The following SHB variants were observed in gnomAD, a reference collection of about 807,000 sequenced individuals.
SHB encodes the protein SH2 domain containing adaptor protein B.
Under a neutral mutation model 52.3 loss-of-function variants are expected in SHB, and 20 were observed. The observed-to-expected ratio is 0.38, with a 90% confidence interval of 0.27 to 0.56. The LOEUF is 0.56. SHB is among the 20% of genes least tolerant of loss of function. The probability of loss-of-function intolerance (pLI) is 0.71; values close to 1 mark genes in which losing one functional copy is unlikely to be tolerated. For synonymous variants in SHB, 397 were observed against 316.5 expected, an observed-to-expected ratio of 1.25 and a Z score of -2.70; for missense variants, 825 against 723.3, an observed-to-expected ratio of 1.14 and a Z score of -1.61.
intron 2 of SHB, among the ~76,000 whole-genome samples, chr9:38,003,627 G>A (rs749791518): frequency 2.0e-5 from 3 of 152,170 alleles, no homozygotes; most frequent in Non-Finnish European, 4.4e-5. Context: ...AGACCCTCCA[G>A]AGCTTCACCC....
chr9:37,978,822 T>C (rs1347739286), intron 2 of SHB, among the ~76,000 whole-genome samples: 1 of 152,248 alleles, frequency 6.6e-6, no homozygotes, highest in Non-Finnish European at 1.5e-5. Flanking sequence ...TTTTTGAAAG[T>C]TGTTTTAAAT....
chr9:38,054,788 T>G (rs1564111792), intron 1 of SHB, among the ~76,000 whole-genome samples: 2 of 152,170 alleles, frequency 1.3e-5, no homozygotes, highest in Non-Finnish European at 2.9e-5. Flanking sequence ...ACCAACGAGT[T>G]CCTGTGAATA....
In SHB at chr9:37,984,975, C is replaced by T. The variant is rs542575384; in HGVS notation, c.839-10138G>A. Among the ~76,000 whole-genome samples the T allele has an allele frequency of 3.6e-3, 544 of 152,296 alleles. 1 individual carries two copies. The highest frequency in any genetic ancestry group is 5.1e-3 in the African/African-American group (211 of 41,570). ...AGCTGGAGCCACCCCAACCGTCACA[C>T]GGCAGGAGGCCCCACCTCCTCCTCA... On this transcript the variant is annotated intron_variant, in intron 2 of 5. Coordinates refer to ENST00000377707, the MANE Select transcript of SHB (RefSeq NM_003028.3).
intron 1 of SHB, among the ~76,000 whole-genome samples, chr9:38,042,466 C>T (rs958738172): frequency 6.6e-6 from 1 of 152,244 alleles, no homozygotes; most frequent in Non-Finnish European, 1.5e-5. Flanking sequence ...AAGAAGTTCA[C>T]TTCTCCAACC....
rs1832648489 is a variant in SHB, at chr9:37,957,421, C to T, written c.1055-1367G>A. Among the ~76,000 whole-genome samples, 3 of 152,212 alleles carry T rather than the reference C, an allele frequency of 2.0e-5. No individual in the cohort carries two copies. The South Asian group carries it at 6.2e-4, about 32-fold the overall frequency. On this transcript the variant is annotated intron_variant, in intron 3 of 5. Coordinates refer to ENST00000377707, the MANE Select transcript of SHB (RefSeq NM_003028.3). The stretch of plus-strand genomic sequence containing the variant: ...TTCTACATCTCAGCCACTGAACCAT[C>T]TTCCCTATCAGGGACTGTGGGGCAT...
intron 2 of SHB, among the ~76,000 whole-genome samples, chr9:37,982,871 C>T (rs145597446): frequency 7.8e-4 from 119 of 152,096 alleles, no homozygotes; most frequent in African/African-American, 2.7e-3. Context: ...TCAGAAGAAA[C>T]CTGTTCTTTA....
At chr9:37,994,707 G>C (rs1389156296) in intron 2 of SHB, among the ~76,000 whole-genome samples, 1 of 152,234 alleles carries the variant, frequency 6.6e-6, no homozygotes, top group East Asian at 1.9e-4. Flanking sequence ...AATATACATA[G>C]AGTGCGCAGA....
chr9:38,068,335 C>A lies in SHB; in HGVS notation c.311G>T (p.Arg104Leu). 3 of 1,545,096 alleles carry A rather than the reference C, an allele frequency of 1.9e-6. No homozygotes were observed. Among genetic ancestry groups the A allele is most frequent in the East Asian group, 2.7e-5 (1 of 37,414 alleles). The change falls in exon 1 of 6, where the codon CGC becomes CTC. Residue 104 changes from arginine to leucine, a missense_variant. By Grantham distance (102) the Arg-to-Leu change is moderately radical. Transcript: ENST00000377707. Reference sequence around the variant, plus strand: ...CAGGCGGCACATGGCGCGCAGTTTGCGCAGCGACGAGCCAGGCCCGTTGTA... The same window carrying A: ...CAGGCGGCACATGGCGCGCAGTTTGAGCAGCGACGAGCCAGGCCCGTTGTA... Reference protein sequence around the residue: ...DPYNGPGSSLRKLRAMCRLDY... With the variant: ...DPYNGPGSSLLKLRAMCRLDY...
At chr9:37,997,921 G>A (rs906773034) in intron 2 of SHB, among the ~76,000 whole-genome samples, 2 of 152,226 alleles carry the variant, frequency 1.3e-5, no homozygotes, top group Non-Finnish European at 2.9e-5. Context: ...ACCCTGCTAA[G>A]GGGCAGAGGG....
rs1822027104 is a variant in SHB, at chr9:38,069,213, C to CCTGTCGCTGCCA, written c.-580_-569dup. On this transcript the variant is annotated 5_prime_UTR_variant, in exon 1 of 6. Coordinates refer to ENST00000377707, the MANE Select transcript of SHB (RefSeq NM_003028.3). The stretch of plus-strand genomic sequence containing the variant: ...CGCGCCCGTGCCCGTCCCGGCGGCG[C>CCTGTCGCTGCCA]CTGTCGCTGCCACTGCCGCCGCCTC... 1 of 149,906 alleles carries CCTGTCGCTGCCA rather than the reference C, an allele frequency of 6.7e-6. No individual in the cohort carries two copies. Among genetic ancestry groups the CCTGTCGCTGCCA allele is most frequent in the Non-Finnish European group, 1.5e-5 (1 of 66,874 alleles). 9.3% of individuals were successfully genotyped at this position (149,906 alleles called of 1,614,324 possible).
At chr9:37,969,776 C>T (rs1247911099) in intron 3 of SHB, among the ~76,000 whole-genome samples, 2 of 152,364 alleles carry the variant, frequency 1.3e-5, no homozygotes, top group East Asian at 3.9e-4. Flanking sequence ...AGACCTGCCA[C>T]ACCAACCTGC....
intron 3 of SHB, among the ~76,000 whole-genome samples, chr9:37,956,441 C>T (rs1188814870): frequency 6.6e-6 from 1 of 152,178 alleles, no homozygotes; most frequent in African/African-American, 2.4e-5. Context: ...AAATCTGCCT[C>T]CAAGTGGCTC....
intron 1 of SHB, among the ~76,000 whole-genome samples, chr9:38,029,969 G>A (rs1488677142): frequency 4.6e-5 from 7 of 152,224 alleles, no homozygotes; most frequent in Non-Finnish European, 1.0e-4. Flanking sequence ...ACTCCCATAT[G>A]CTTCAGCACA....
chr9:38,036,213 C>T (rs576209597), intron 1 of SHB, among the ~76,000 whole-genome samples: 19 of 152,294 alleles, frequency 1.2e-4, no homozygotes, highest in African/African-American at 3.4e-4. Flanking sequence ...CAGCCACATT[C>T]GCCCCGACCC....
chr9:37,991,494 G>C (rs972790357), intron 2 of SHB, among the ~76,000 whole-genome samples: 1 of 152,184 alleles, frequency 6.6e-6, no homozygotes, highest in Admixed American at 6.5e-5. Context: ...TTATGTATTG[G>C]TTTTCAACTC....
chr9:37,956,373 G>A (rs1350594587), intron 3 of SHB, among the ~76,000 whole-genome samples: 5 of 152,164 alleles, frequency 3.3e-5, no homozygotes, highest in Middle Eastern at 3.4e-3. Flanking sequence ...CTGCCTTGGG[G>A]GAACTCTGTC....
At chr9:38,019,758 A>G (rs1821259834) in intron 1 of SHB, among the ~76,000 whole-genome samples, 1 of 99,748 alleles carries the variant, frequency 1.0e-5, no homozygotes, top group Non-Finnish European at 2.2e-5. Flanking sequence ...CCAAATGTGC[A>G]TAAGGGTCCA....
chr9:37,963,542 G>T (rs1407511925), intron 3 of SHB, among the ~76,000 whole-genome samples: 1 of 152,170 alleles, frequency 6.6e-6, no homozygotes, highest in Non-Finnish European at 1.5e-5. Context: ...GCAGAGTCAA[G>T]GTGCCCAAGG....
intron 4 of SHB, among the ~76,000 whole-genome samples, chr9:37,950,399 G>C (rs572025550): frequency 9.2e-5 from 14 of 152,188 alleles, no homozygotes; most frequent in Non-Finnish European, 1.8e-4. Context: ...CCAAGTAGTG[G>C]GCCTATAGGC....
Sources: gnomAD v4.1 joint callset for allele counts (sites outside exome capture counted in the v4.1 genomes callset) on GRCh38, gnomAD v4.1.1 for gene constraint, MANE v1.5 for transcripts, NCBI Gene and HGNC (gene_info 2026-07-23, HGNC 2026-07-21) for gene names.